Variants in NPDC1 observed in about 807,000 individuals in gnomAD.
NPDC1 encodes neural proliferation, differentiation and control 1.
In NPDC1, 18 loss-of-function variants were observed where a neutral mutation model predicts 32.5. That is an observed-to-expected ratio of 0.55 (90% confidence interval 0.38 to 0.82). NPDC1 has a LOEUF of 0.82. Ranked by LOEUF, NPDC1 falls within the 40% of genes least tolerant of loss-of-function variation. The pLI, the probability that NPDC1 is intolerant of heterozygous loss-of-function variation, is 0.00. For missense variants in NPDC1, 468 were observed against 406.6 expected (o/e 1.15, Z -1.30); for synonymous variants, 210 against 184.7 (o/e 1.14, Z -1.11).
intron 1 of NPDC1, among the ~76,000 whole-genome samples, chr9:137,044,879 G>T (rs970080320): frequency 6.6e-6 from 1 of 152,230 alleles, no homozygotes; most frequent in East Asian, 1.9e-4. Context: ...CAGGGGCACT[G>T]AGCCCAGGAG....
chr9:137,040,394 A>G lies in NPDC1; in HGVS notation c.751T>C (p.Tyr251His). 6.5e-7 allele frequency: 1 copy of G among 1,547,778 alleles called. No homozygotes were observed. Among genetic ancestry groups the G allele is most frequent in the Non-Finnish European group, 8.7e-7 (1 of 1,146,974 alleles). ...AGCATCTGTTGCCGTTGGTGCTGGT[A>G]GTGGTACATCTCCGCGCTCTGTGCC... ...RLAQSAEMYH[Y>H]QHQRQQMLCL... Residue 251 changes from tyrosine to histidine, a missense_variant, in exon 7 of 9, where the codon TAC (tyrosine) becomes CAC (histidine). Tyr to His is a moderately conservative substitution (Grantham distance 83). Transcript: ENST00000371601.
intron 1 of NPDC1, chr9:137,043,907 C>T (rs1832092154): frequency 6.4e-6 from 1 of 156,726 alleles, no homozygotes; most frequent in South Asian, 2.0e-4. Flanking sequence ...GGGCAATGGC[C>T]CTCTGCCTCA....
Position 137,039,739 on chromosome 9 carries a change from C to T in NPDC1, c.*33G>A, listed in dbSNP as rs761453772. Reference sequence around the variant, plus strand: ...TGCCCCTCCCCGGGGGCCTCGAGGTCGGGGAGCAGGTGGGCGTCTGTCTGC... The same window carrying T: ...TGCCCCTCCCCGGGGGCCTCGAGGTTGGGGAGCAGGTGGGCGTCTGTCTGC... On this transcript the variant is annotated 3_prime_UTR_variant, in exon 9 of 9. Coordinates refer to ENST00000371601, the MANE Select transcript of NPDC1 (RefSeq NM_015392.4). 10 of 727,426 alleles carry T rather than the reference C, an allele frequency of 1.4e-5. No individual in the cohort carries two copies. The highest frequency in any genetic ancestry group is 7.5e-5 in the East Asian group (3 of 39,864). 45.1% of individuals were successfully genotyped at this position (727,426 alleles called of 1,614,324 possible).
chr9:137,040,759 G>A (rs1832035527), intron 4 of NPDC1, 22 bp from the exon 5 acceptor site: 7 of 1,587,202 alleles, frequency 4.4e-6, no homozygotes, highest in South Asian at 1.1e-5. Flanking sequence ...GGCGTGTGAG[G>A]GCGGCCTTCT....
intron 1 of NPDC1, chr9:137,043,496 G>C: frequency 1.6e-6 from 1 of 610,926 alleles, no homozygotes. Context: ...CTGGGGAGCA[G>C]CAAACGATGC....
rs754165308 is a variant in NPDC1, at chr9:137,039,963, G to T, written c.885+8C>A. On this transcript the variant is annotated splice_region_variant and intron_variant, in intron 8 of 8. Transcript: ENST00000371601. The stretch of plus-strand genomic sequence containing the variant: ...GGTTCGCCCCTCCCTGCACCCTGAG[G>T]CACTCACCGGGGCCAGGCCCGGGCA... 1.0e-5 allele frequency: 8 copies of T among 778,842 alleles called. No homozygotes were observed. The highest frequency in any genetic ancestry group is 1.9e-5 in the Non-Finnish European group (8 of 417,998). The allele number at this position is 778,842 out of a possible 1,614,324, so 48.2% of individuals were successfully genotyped here.
At chr9:137,043,409 G>A (rs1022923407) in intron 1 of NPDC1, 4 of 684,684 alleles carry the variant, frequency 5.8e-6, no homozygotes, top group Non-Finnish European at 1.1e-5. Context: ...CCCAGCCTCC[G>A]GCCTCAACAT....
chr9:137,040,689 G>A lies in NPDC1; in HGVS notation c.605C>T (p.Ala202Val). 1.3e-6 allele frequency: 2 copies of A among 1,583,950 alleles called. No homozygotes were observed. The highest frequency in any genetic ancestry group is 1.7e-6 in the Non-Finnish European group (2 of 1,170,490). ...CVAGAAALSV[A>V]SLCWCRLQRE... ...GGCTCACCTGCACCAGCAGAGGGAG[G>A]CTACGGAGAGGGCGGCTGCACCGGC... Residue 202 changes from alanine to valine, a missense_variant, in exon 5 of 9, where the codon GCC becomes GTC. Physicochemically the swap from Ala to Val is moderately conservative, Grantham distance 64. Coordinates refer to ENST00000371601, the MANE Select transcript of NPDC1 (RefSeq NM_015392.4).
chr9:137,039,743 G>GAGC lies in NPDC1; in HGVS notation c.*26_*28dup. 1 of 736,394 alleles carries GAGC rather than the reference G, an allele frequency of 1.4e-6. No homozygotes were observed. Among genetic ancestry groups the GAGC allele is most frequent in the South Asian group, 1.4e-5 (1 of 71,806 alleles). 45.6% of individuals were successfully genotyped at this position (736,394 alleles called of 1,614,324 possible). ...CCTCCCCGGGGGCCTCGAGGTCGGG[G>GAGC]AGCAGGTGGGCGTCTGTCTGCCTCC... On this transcript the variant is annotated 3_prime_UTR_variant, in exon 9 of 9. Coordinates refer to ENST00000371601, the MANE Select transcript of NPDC1 (RefSeq NM_015392.4).
intron 1 of NPDC1, among the ~76,000 whole-genome samples, chr9:137,045,550 G>T (rs1318298182): frequency 2.6e-5 from 4 of 152,222 alleles, no homozygotes; most frequent in African/African-American, 9.6e-5. Context: ...GCAGACTCCC[G>T]GCGGGCCCGC....
In NPDC1 at chr9:137,040,538, G is replaced by T; in HGVS notation, c.684C>A (p.Gly228=). ...CCGAGATCCGGGGAGCTGCAGGTGAGCCAGGGGCCTTCGCAGTGGCGTAGT... is the reference window on the plus strand; with the variant it reads ...CCGAGATCCGGGGAGCTGCAGGTGATCCAGGGGCCTTCGCAGTGGCGTAGT... The part of the protein sequence containing the change: ...KADYATAKAP[G]SPAAPRISPG... Residue 228 remains glycine, a synonymous_variant, in exon 6 of 9, where the codon GGC becomes GGA. Coordinates refer to ENST00000371601, the MANE Select transcript of NPDC1 (RefSeq NM_015392.4). The T allele has an allele frequency of 6.3e-7, 1 of 1,589,978 alleles. No homozygotes were observed.
At chr9:137,040,325 G>T (rs1190620472) in intron 7 of NPDC1, 32 bp downstream of exon 7, 2 of 1,105,588 alleles carry the variant, frequency 1.8e-6, no homozygotes, top group Non-Finnish European at 1.2e-6. Flanking sequence ...GGGTGGGTGG[G>T]TGGGGGTGGC....
At chr9:137,041,278 G>A in intron 2 of NPDC1, 91 bp from the exon 3 acceptor site, 7 of 1,300,226 alleles carry the variant, frequency 5.4e-6, no homozygotes, top group South Asian at 4.7e-5. Flanking sequence ...TTCCTCCCAG[G>A]AGCCTGAGGA....
At position 137,040,028 on chromosome 9, in the gene NPDC1, C is replaced by T. The variant is rs149078095; in HGVS notation, c.828G>A (p.Ser276=). 372 of 778,812 alleles carry T rather than the reference C, an allele frequency of 4.8e-4. 1 individual carries two copies. Among genetic ancestry groups the T allele is most frequent in the South Asian group, 3.6e-3 (270 of 74,592 alleles). The allele number at this position is 778,812 out of a possible 1,614,324, so 48.2% of individuals were successfully genotyped here. Reference sequence around the variant, plus strand: ...AGTCTCCGTCCTCATTCTCCTCATCCGAGGAGGCCGTGTCCAGCTCCTTGG... The same window carrying T: ...AGTCTCCGTCCTCATTCTCCTCATCTGAGGAGGCCGTGTCCAGCTCCTTGG... ...EPPKELDTAS[S]DEENEDGDFT... The change falls in exon 8 of 9, where the codon TCG becomes TCA. Residue 276 remains serine (S), a synonymous_variant. Transcript: ENST00000371601.
At chr9:137,041,381 A>T (rs1408600482) in intron 2 of NPDC1, among the ~76,000 whole-genome samples, 194 bp from the exon 3 acceptor site, 7 of 152,132 alleles carry the variant, frequency 4.6e-5, no homozygotes, top group Non-Finnish European at 7.4e-5. Flanking sequence ...CGGAAAGTGG[A>T]GGCAGGGCAA....
intron 1 of NPDC1, among the ~76,000 whole-genome samples, chr9:137,045,015 G>A (rs1832109804): frequency 6.6e-6 from 1 of 152,228 alleles, no homozygotes; most frequent in African/African-American, 2.4e-5. Context: ...TGTAAAACGG[G>A]CTCACAGCAC....
chr9:137,039,703 G>A lies in NPDC1; in HGVS notation c.*69C>T. On this transcript the variant is annotated 3_prime_UTR_variant, in exon 9 of 9. Coordinates refer to ENST00000371601, the MANE Select transcript of NPDC1 (RefSeq NM_015392.4). The stretch of plus-strand genomic sequence containing the variant: ...CATCAAAACATGTTTTTAGTGGGAA[G>A]CTCCAGGCCCTGCCCCTCCCCGGGG... 1 of 668,196 alleles carries A rather than the reference G, an allele frequency of 1.5e-6. No homozygotes were observed. The highest frequency in any genetic ancestry group is 1.6e-5 in the South Asian group (1 of 62,786). The allele number at this position is 668,196 out of a possible 1,614,324, so 41.4% of individuals were successfully genotyped here. A position where few individuals can be genotyped will look rare whatever the true frequency, so the allele number is the denominator to read the frequency against.
Position 137,040,714 on chromosome 9 carries a change from C to T in NPDC1, c.580G>A (p.Ala194Thr). The T allele has an allele frequency of 6.3e-7, 1 of 1,589,682 alleles. No homozygotes were observed. Among genetic ancestry groups the T allele is most frequent in the East Asian group, 2.3e-5 (1 of 44,204 alleles). The part of the protein sequence containing the change: ...ALVLILAFCV[A>T]GAAALSVASL... ...GCTACGGAGAGGGCGGCTGCACCGG[C>T]CACACAGAACGCCAGGATCAGCACT... The change falls in exon 5 of 9, where the codon GCC becomes ACC. Residue 194 changes from alanine (A) to threonine (T), a missense_variant. Physicochemically the swap from Ala to Thr is moderately conservative, Grantham distance 58. Transcript: ENST00000371601.
rs767017459 is a variant in NPDC1 at position 137,041,045 on chromosome 9, G to C, written c.385+17C>G. The C allele has an allele frequency of 1.3e-6, 2 of 1,519,864 alleles. No individual in the cohort carries two copies. Among genetic ancestry groups the C allele is most frequent in the Non-Finnish European group, 1.8e-6 (2 of 1,135,340 alleles). The allele number at this position is 1,519,864 out of a possible 1,614,324, so 94.1% of individuals were successfully genotyped here. A position where few individuals can be genotyped will look rare whatever the true frequency, so the allele number is the denominator to read the frequency against. ...GCTAGGGACAGGGCCGTGGGGCAGG[G>C]GAAGCGGGGGTCTCACCAGGCTCCG... On this transcript the variant is annotated intron_variant, in intron 3 of 8. Transcript: ENST00000371601.
Sources: allele counts gnomAD v4.1 joint callset (sites outside exome capture counted in the v4.1 genomes callset), GRCh38; gene constraint gnomAD v4.1.1; transcripts MANE v1.5; gene names NCBI Gene and HGNC (gene_info 2026-07-23, HGNC 2026-07-21).